Variants in FRMD4B observed in about 807,000 individuals in gnomAD.
FRMD4B encodes FERM domain-containing protein 4B.
Under a neutral mutation model 141.5 loss-of-function variants are expected in FRMD4B, and 74 were observed. The observed-to-expected ratio is 0.52, with a 90% CI of 0.43 to 0.63. The LOEUF (loss-of-function observed/expected upper bound fraction) is 0.63. Ranked by LOEUF, FRMD4B falls within the 30% of genes least tolerant of loss-of-function variation. The probability of loss-of-function intolerance (pLI) is 0.00; values close to 1 mark genes in which losing one functional copy is unlikely to be tolerated. For missense variants in FRMD4B, 1,366 were observed against 1,253.4 expected, an observed-to-expected ratio of 1.09 and a Z score of -1.36; for synonymous variants, 506 against 467.9, an observed-to-expected ratio of 1.08 and a Z score of -1.05.
At chr3:69,264,882 G>A (rs558335072) in intron 5 of FRMD4B, among the ~76,000 whole-genome samples, 2 of 152,242 alleles carry the variant, frequency 1.3e-5, no homozygotes, top group East Asian at 1.9e-4. Flanking sequence ...ACTTGATCAC[G>A]ATGAAGATAG....
chr3:69,208,672 A>T (rs1219185774), intron 11 of FRMD4B, among the ~76,000 whole-genome samples: 1 of 151,702 alleles, frequency 6.6e-6, no homozygotes, highest in South Asian at 2.1e-4. Context: ...CCTGCATCCC[A>T]TTACTGTCCC....
intron 13 of FRMD4B, chr3:69,196,606 T>G: frequency 1.7e-6 from 1 of 585,612 alleles, no homozygotes; most frequent in South Asian, 2.2e-5. Flanking sequence ...GATTTTCTCA[T>G]GGTGTGGTTC....
In FRMD4B at chr3:69,181,300, A is replaced by T. The variant is rs1226804698; in HGVS notation, c.2450T>A (p.Phe817Tyr). The T allele has an allele frequency of 6.2e-7, 1 of 1,613,848 alleles. No individual in the cohort carries two copies. Among genetic ancestry groups the T allele is most frequent in the African/African-American group, 1.3e-5 (1 of 75,010 alleles). The change falls in exon 21 of 23, where the codon TTT (phenylalanine) becomes TAT (tyrosine). Residue 817 changes from phenylalanine (F) to tyrosine (Y), a missense_variant. By Grantham distance (22) the Phe-to-Tyr change is conservative (BLOSUM62 3). Transcript: ENST00000398540. ...AGYTPYAECD[F>Y]YYSGGYVYEN... ...ATAGACATAACCACCACTGTAATAA[A>T]AGTCACACTCTGCATAGGGTGTGTA...
intron 1 of FRMD4B, among the ~76,000 whole-genome samples, chr3:69,375,470 C>T (rs1026066614): frequency 5.3e-5 from 4 of 75,128 alleles, no homozygotes; most frequent in Non-Finnish European, 1.0e-4. Context: ...TATAATTGTC[C>T]ACATTTTACA....
rs145656080 is a variant in FRMD4B at position 69,384,262 on chromosome 3, G to A, written c.162+1566C>T. 2.2e-3 allele frequency among the ~76,000 whole-genome samples: 331 copies of A among 152,248 alleles called. 3 individuals carry two copies. Among genetic ancestry groups the A allele is most frequent in the African/African-American group, 7.6e-3 (316 of 41,526 alleles). ...GTCAACCTTATAAAGAATCCATAAGGTCTCAGGTTTCTGGAATCTTTATTT... is the reference window on the plus strand; with the variant it reads ...GTCAACCTTATAAAGAATCCATAAGATCTCAGGTTTCTGGAATCTTTATTT... On this transcript the variant is annotated intron_variant, in intron 1 of 22. Coordinates refer to ENST00000398540, the MANE Select transcript of FRMD4B (RefSeq NM_015123.3).
chr3:69,312,600 TA>T lies in FRMD4B; in HGVS notation c.228+851del, dbSNP rs1226385570. ...TGAATAGAAAGAGAAGCATCAACAA[TA>T]AAAATATCATCGCTTGGCTGGGCGC... is the stretch of plus-strand genomic sequence containing the variant. On this transcript the variant is annotated intron_variant, in intron 2 of 22. Transcript: ENST00000398540. Among the ~76,000 whole-genome samples the T allele has an allele frequency of 2.6e-5, 4 of 152,162 alleles. No homozygotes were observed. In the East Asian group the frequency reaches 5.8e-4, roughly 22 times the overall value.
At chr3:69,190,079 A>C (rs2092820310) in intron 17 of FRMD4B, 127 bp from the exon 18 acceptor site, 1 of 599,978 alleles carries the variant, frequency 1.7e-6, no homozygotes, top group Non-Finnish European at 3.0e-6. Flanking sequence ...GTGCATTAAG[A>C]ATAATTAACT....
chr3:69,356,461 G>A (rs1168807720), intron 1 of FRMD4B, among the ~76,000 whole-genome samples: 1 of 151,956 alleles, frequency 6.6e-6, no homozygotes, highest in African/African-American at 2.4e-5. Flanking sequence ...CAGACTCCAA[G>A]TTCTTCAGTT....
intron 7 of FRMD4B, among the ~76,000 whole-genome samples, chr3:69,232,365 G>A (rs1183744971): frequency 6.6e-6 from 1 of 152,116 alleles, no homozygotes; most frequent in Non-Finnish European, 1.5e-5. Context: ...TGAAGAACAT[G>A]CTTGCATTTT....
intron 1 of FRMD4B, among the ~76,000 whole-genome samples, chr3:69,381,261 G>A (rs2106682145): frequency 6.6e-6 from 1 of 152,340 alleles, no homozygotes; most frequent in Non-Finnish European, 1.5e-5. Flanking sequence ...AGAAATGGAA[G>A]AAGTGTTCAA....
intron 1 of FRMD4B, chr3:69,353,702 G>C (rs1703230472): frequency 2.0e-6 from 2 of 984,980 alleles, no homozygotes; most frequent in Non-Finnish European, 2.4e-6. Flanking sequence ...GCCAGTGGAA[G>C]TAGGAACTTA....
chr3:69,288,782 C>A (rs1700781394), intron 4 of FRMD4B, among the ~76,000 whole-genome samples: 1 of 152,202 alleles, frequency 6.6e-6, no homozygotes, highest in Non-Finnish European at 1.5e-5. Context: ...ACTCTCAGAT[C>A]AGTGAGAGTG....
chr3:69,414,870 T>TG (rs1381316823), intron 2 of FRMD4B, among the ~76,000 whole-genome samples: 12 of 148,212 alleles, frequency 8.1e-5, no homozygotes, highest in African/African-American at 3.0e-4. Context: ...TGTTTTTTTT[T>TG]TTTTTTTTTT....
chr3:69,363,721 T>C (rs1459693313), intron 1 of FRMD4B, among the ~76,000 whole-genome samples: 1 of 152,164 alleles, frequency 6.6e-6, no homozygotes, highest in African/African-American at 2.4e-5. Flanking sequence ...CAGACAGCTT[T>C]TTAAGAAATG....
chr3:69,517,572 G>T (rs955029034), intron 1 of FRMD4B, among the ~76,000 whole-genome samples: 4 of 152,156 alleles, frequency 2.6e-5, no homozygotes, highest in African/African-American at 9.7e-5. Context: ...TGTGTAAGCA[G>T]TCCAAAACTA....
chr3:69,399,204 A>G (rs929711981), intron 2 of FRMD4B, among the ~76,000 whole-genome samples: 1 of 152,162 alleles, frequency 6.6e-6, no homozygotes, highest in African/African-American at 2.4e-5. Flanking sequence ...CCTATTTGGT[A>G]CTTCGTTCAT....
At chr3:69,432,003 G>C (rs1282009750) in intron 2 of FRMD4B, among the ~76,000 whole-genome samples, 1 of 151,994 alleles carries the variant, frequency 6.6e-6, no homozygotes, top group Non-Finnish European at 1.5e-5. Flanking sequence ...TGGCAGTTTG[G>C]TTTCTATAGC....
At chr3:69,245,653 G>A (rs984558484) in intron 7 of FRMD4B, among the ~76,000 whole-genome samples, 1 of 133,062 alleles carries the variant, frequency 7.5e-6, no homozygotes, top group African/African-American at 2.8e-5. Flanking sequence ...GGCCTTGGCT[G>A]ATTTTCTTTT....
chr3:69,397,761 T>G (rs1002251985), intron 2 of FRMD4B, among the ~76,000 whole-genome samples: 5 of 152,164 alleles, frequency 3.3e-5, no homozygotes, highest in Admixed American at 2.0e-4. Context: ...GGGTTTTTTT[T>G]GGGACAATGA....
Sources: gnomAD v4.1 joint callset for allele counts (sites outside exome capture counted in the v4.1 genomes callset) on GRCh38, gnomAD v4.1.1 for gene constraint, MANE v1.5 for transcripts, NCBI Gene and HGNC (gene_info 2026-07-23, HGNC 2026-07-21) for gene names.